The following CORO2B variants were observed in gnomAD, a reference collection of about 807,000 sequenced individuals.
The protein encoded by CORO2B is coronin 2B.
A neutral mutation model predicts 58.8 loss-of-function variants in CORO2B; 26 were observed. The ratio of observed to expected loss-of-function variants is 0.44; its 90% CI spans 0.32 to 0.61. The LOEUF (loss-of-function observed/expected upper bound fraction) is 0.61, where lower values mean the gene tolerates loss of function less well. Ranked by LOEUF, CORO2B falls within the 20% of genes least tolerant of loss-of-function variation. The pLI, the probability that CORO2B is intolerant of heterozygous loss-of-function variation, is 0.04. For missense variants in CORO2B, 460 were observed against 645.1 expected (o/e 0.71, Z 3.11); for synonymous variants, 242 against 253.8 (o/e 0.95, Z 0.44).
At chr15:68,577,857 C>T (rs1020883091), upstream of CORO2B, among the ~76,000 whole-genome samples, 7 of 152,204 alleles carry the variant, frequency 4.6e-5, no homozygotes, top group African/African-American at 1.7e-4. Flanking sequence ...TCTCTGTTCC[C>T]CCAGCACTTT....
intron 1 of CORO2B, among the ~76,000 whole-genome samples, chr15:68,621,449 G>T (rs1032582623): frequency 6.6e-6 from 1 of 152,218 alleles, no homozygotes; most frequent in African/African-American, 2.4e-5. Flanking sequence ...ATTGAATAGG[G>T]TTTGGCAGGA....
At chr15:68,681,230 T>G (rs1902770033) in intron 2 of CORO2B, among the ~76,000 whole-genome samples, 1 of 151,840 alleles carries the variant, frequency 6.6e-6, no homozygotes, top group South Asian at 2.1e-4. Context: ...AAAAAAATTT[T>G]TTTTTGGAAA....
intron 1 of CORO2B, among the ~76,000 whole-genome samples, chr15:68,604,520 G>T (rs1171445321): frequency 6.6e-6 from 1 of 151,074 alleles, no homozygotes; most frequent in Non-Finnish European, 1.5e-5. Context: ...TTTTTTAAAA[G>T]GCGACTTTAT....
At chr15:68,675,468 A>G (rs1902550361) in intron 2 of CORO2B, among the ~76,000 whole-genome samples, 1 of 152,176 alleles carries the variant, frequency 6.6e-6, no homozygotes, top group Admixed American at 6.5e-5. Context: ...GTGTCTGGAA[A>G]GAAATGGGGA....
chr15:68,597,939 G>A (rs567276155), intron 1 of CORO2B, among the ~76,000 whole-genome samples: 1 of 152,332 alleles, frequency 6.6e-6, no homozygotes, highest in South Asian at 2.1e-4. Context: ...GCAGGGTGAC[G>A]TTTTGGAAGT....
intron 2 of CORO2B, among the ~76,000 whole-genome samples, chr15:68,685,708 A>G (rs1372861326): frequency 6.6e-6 from 1 of 152,240 alleles, no homozygotes; most frequent in Non-Finnish European, 1.5e-5. Context: ...CATTAAAAAT[A>G]CCAATGCCTG....
At chr15:68,565,950 C>A in the CORO2B span, among the ~76,000 whole-genome samples, 17 of 152,318 alleles carry the variant, frequency 1.1e-4, no homozygotes, top group Non-Finnish European at 2.4e-4. Context: ...CAGAAGGGAG[C>A]CTTGGGGTGT....
At chr15:68,686,829 G>A (rs113954720) in intron 2 of CORO2B, among the ~76,000 whole-genome samples, 4,940 of 151,746 alleles carry the variant, frequency 0.033, 271 homozygotes, top group African/African-American at 0.11. Flanking sequence ...AACCCAGGCG[G>A]CGGAGGTCAC....
chr15:68,642,548 T>C (rs956623539), intron 1 of CORO2B, among the ~76,000 whole-genome samples: 10 of 152,138 alleles, frequency 6.6e-5, no homozygotes, highest in African/African-American at 2.4e-4. Context: ...ATGGATAGGC[T>C]GGGCCTGCCA....
At chr15:68,725,754 G>A (rs372164240) in intron 11 of CORO2B, 89 bp from the exon 12 acceptor site, 76 of 1,545,890 alleles carry the variant, frequency 4.9e-5, no homozygotes, top group Admixed American at 2.2e-4. Flanking sequence ...GGGCACGGGC[G>A]GCAGGCAGCT....
intron 5 of CORO2B, among the ~76,000 whole-genome samples, chr15:68,712,401 A>G (rs1401994662): frequency 6.6e-6 from 1 of 152,226 alleles, no homozygotes; most frequent in Non-Finnish European, 1.5e-5. Flanking sequence ...CCAAAAATCC[A>G]AAATCCAAAA....
chr15:68,595,782 C>A (rs1036885577), intron 1 of CORO2B, among the ~76,000 whole-genome samples: 1 of 152,246 alleles, frequency 6.6e-6, no homozygotes, highest in Non-Finnish European at 1.5e-5. Flanking sequence ...AAGTTGAATT[C>A]TGCCTGGGAG....
At chr15:68,576,152 C>CAA (rs3985627), upstream of CORO2B, among the ~76,000 whole-genome samples, 25,194 of 62,184 alleles carry the variant, frequency 0.41, 6,678 homozygotes, top group East Asian at 0.74. Flanking sequence ...GACTACGTCG[C>CAA]AAAAAAAAAA....
At chr15:68,637,969 C>A (rs1195507118) in intron 1 of CORO2B, among the ~76,000 whole-genome samples, 1 of 152,218 alleles carries the variant, frequency 6.6e-6, no homozygotes, top group Non-Finnish European at 1.5e-5. Context: ...CAATTTGCTT[C>A]CATGTGGAGT....
intron 2 of CORO2B, among the ~76,000 whole-genome samples, chr15:68,691,257 G>T (rs1437849496): frequency 4.7e-5 from 7 of 148,884 alleles, no homozygotes; most frequent in Non-Finnish European, 1.0e-4. Flanking sequence ...TGAACCCCGG[G>T]GGGCAGAGCT....
At chr15:68,578,969 C>A, upstream of CORO2B, 1 of 950,144 alleles carries the variant, frequency 1.1e-6, no homozygotes, top group Non-Finnish European at 1.3e-6. The surrounding 1 kb of genome is among the most constrained non-coding windows in gnomAD (Gnocchi z 4.2). Flanking sequence ...CCCCCCAGCC[C>A]GGGCCCTCTC....
intron 1 of CORO2B, among the ~76,000 whole-genome samples, chr15:68,607,172 G>T (rs1426572010): frequency 6.6e-6 from 1 of 152,170 alleles, no homozygotes; most frequent in African/African-American, 2.4e-5. Flanking sequence ...TGGGGTCTCT[G>T]CTAGGAAGAC....
chr15:68,535,961 T>G, the CORO2B span, among the ~76,000 whole-genome samples: 1 of 150,908 alleles, frequency 6.6e-6, no homozygotes, highest in African/African-American at 2.4e-5. Context: ...TTTTGGCTTT[T>G]AATAATGTTA....
chr15:68,699,579 C>T (rs1178018114), intron 3 of CORO2B, among the ~76,000 whole-genome samples: 1 of 152,226 alleles, frequency 6.6e-6, no homozygotes, highest in Middle Eastern at 3.4e-3. Context: ...GAACTAAGCT[C>T]TCGCTCCAGC....
Sources: gnomAD v4.1 joint callset for allele counts (sites outside exome capture counted in the v4.1 genomes callset) on GRCh38, gnomAD v4.1.1 for gene constraint, Gnocchi (gnomAD v3.1) non-coding constraint, MANE v1.5 for transcripts, NCBI Gene and HGNC (gene_info 2026-07-23, HGNC 2026-07-21) for gene names.